Variants in PARD3B observed in about 807,000 individuals in gnomAD.
PARD3B encodes the protein par-3 family cell polarity regulator beta.
A neutral mutation model predicts 130.2 loss-of-function variants in PARD3B; 103 were observed. That is an observed-to-expected ratio of 0.79 (90% CI 0.67 to 0.93). The LOEUF (loss-of-function observed/expected upper bound fraction) is 0.93, where lower values mean the gene tolerates loss of function less well. Among genes scored for constraint, PARD3B ranks in the 40% least tolerant of loss-of-function variants. PARD3B has a pLI of 0.00. For synonymous variants in PARD3B, 583 were observed against 553.2 expected (o/e 1.05, Z -0.76); for missense variants, 1,609 against 1,499.2 (o/e 1.07, Z -1.21).
chr2:205,070,726 T>C (rs1559409552), intron 4 of PARD3B, among the ~76,000 whole-genome samples: 1 of 152,318 alleles, frequency 6.6e-6, no homozygotes, highest in Middle Eastern at 3.4e-3. Flanking sequence ...GACAAACTCA[T>C]CCATCCATTG....
chr2:205,587,400 A>G (rs907963339), intron 22 of PARD3B, among the ~76,000 whole-genome samples: 5 of 152,216 alleles, frequency 3.3e-5, no homozygotes, highest in African/African-American at 1.2e-4. Context: ...AGAATATATC[A>G]GATTTATATC....
chr2:205,509,600 C>T (rs2050514576), intron 21 of PARD3B, among the ~76,000 whole-genome samples: 1 of 152,116 alleles, frequency 6.6e-6, no homozygotes, highest in Non-Finnish European at 1.5e-5. Flanking sequence ...AAATCTGATC[C>T]ATAAAGGTTG....
chr2:205,503,672 A>G lies in PARD3B; in HGVS notation c.3180+3641A>G, dbSNP rs112644513. Among the ~76,000 whole-genome samples, 411 of 152,236 alleles carry G rather than the reference A, an allele frequency of 2.7e-3. 4 individuals are homozygous for G. In the East Asian group the frequency reaches 0.033, roughly 12 times the overall value. Reference sequence around the variant, plus strand: ...GCAATGCGGGCTCTTTTTTGGTTCCATATGAACTTTAAAGTAGTTTTTTTC... The same window carrying G: ...GCAATGCGGGCTCTTTTTTGGTTCCGTATGAACTTTAAAGTAGTTTTTTTC... On this transcript the variant is annotated intron_variant, in intron 21 of 22. Coordinates refer to ENST00000406610, the MANE Select transcript of PARD3B (RefSeq NM_001302769.2).
Position 205,172,241 on chromosome 2 carries a change from A to T in PARD3B, c.1651A>T (p.Ile551Phe). The change falls in exon 12 of 23, where the codon ATT becomes TTT. Residue 551 changes from isoleucine (I) to phenylalanine (F), a missense_variant. Physicochemically the swap from Ile to Phe is conservative, Grantham distance 21 (BLOSUM62 0). Coordinates refer to ENST00000406610, the MANE Select transcript of PARD3B (RefSeq NM_001302769.2). ...DGRLRMNDQL[I>F]AVNGESLLGK... ...TCGTCTGCGAATGAATGACCAGCTGATTGCAGTTAATGGGGAATCTCTTTT... is the reference window on the plus strand; with the variant it reads ...TCGTCTGCGAATGAATGACCAGCTGTTTGCAGTTAATGGGGAATCTCTTTT... 2.5e-6 allele frequency: 4 copies of T among 1,614,066 alleles called. No homozygotes were observed. The highest frequency in any genetic ancestry group is 3.4e-6 in the Non-Finnish European group (4 of 1,180,014).
chr2:205,445,717 A>T (rs2047883929), intron 20 of PARD3B, among the ~76,000 whole-genome samples: 1 of 152,226 alleles, frequency 6.6e-6, no homozygotes, highest in Non-Finnish European at 1.5e-5. Context: ...TAGTACCTGG[A>T]TAAGTAAAGA....
chr2:204,789,740 T>C (rs915867950), intron 2 of PARD3B, among the ~76,000 whole-genome samples: 1 of 152,218 alleles, frequency 6.6e-6, no homozygotes, highest in East Asian at 1.9e-4. Flanking sequence ...TTCTTGTCAA[T>C]ATTAGTTTTA....
At chr2:205,103,160 AC>A (rs1702914845) in intron 4 of PARD3B, among the ~76,000 whole-genome samples, 5 of 86,248 alleles carry the variant, frequency 5.8e-5, no homozygotes, top group Admixed American at 3.1e-4. Flanking sequence ...TGTAAAATAA[AC>A]ATATTTTATA....
At chr2:205,569,171 TC>T (rs982684991) in intron 22 of PARD3B, among the ~76,000 whole-genome samples, 1 of 137,818 alleles carries the variant, frequency 7.3e-6, no homozygotes, top group Non-Finnish European at 1.6e-5. Flanking sequence ...TTTATTAGAA[TC>T]CTTTTTTTTT....
intron 3 of PARD3B, among the ~76,000 whole-genome samples, chr2:205,047,026 C>G (rs1453109468): frequency 6.6e-6 from 1 of 152,156 alleles, no homozygotes; most frequent in Admixed American, 6.5e-5. Flanking sequence ...TTTTCTTTAT[C>G]AGTTCTATCT....
intron 15 of PARD3B, among the ~76,000 whole-genome samples, chr2:205,202,564 A>G (rs2037052972): frequency 6.6e-6 from 1 of 152,198 alleles, no homozygotes; most frequent in South Asian, 2.1e-4. Context: ...TCCCTGTCAT[A>G]CCCCTCCCAT....
intron 1 of PARD3B, among the ~76,000 whole-genome samples, chr2:204,599,895 C>T (rs888831977): frequency 6.6e-6 from 1 of 151,656 alleles, no homozygotes. Context: ...ACTGGGGTGA[C>T]ATGATATCTC....
At chr2:205,277,879 C>A (rs2041013776) in intron 16 of PARD3B, among the ~76,000 whole-genome samples, 1 of 151,976 alleles carries the variant, frequency 6.6e-6, no homozygotes, top group Non-Finnish European at 1.5e-5. Flanking sequence ...GAAACAGATG[C>A]CCAGAGGGAG....
At chr2:205,002,655 C>T (rs1173744166) in intron 3 of PARD3B, among the ~76,000 whole-genome samples, 1 of 152,108 alleles carries the variant, frequency 6.6e-6, no homozygotes, top group East Asian at 1.9e-4. Flanking sequence ...TCTGCCTCCA[C>T]CCTGCCTGCT....
intron 5 of PARD3B, among the ~76,000 whole-genome samples, chr2:205,106,444 C>T (rs1002138722): frequency 4.6e-5 from 7 of 151,880 alleles, no homozygotes; most frequent in South Asian, 2.1e-4. Context: ...CTACCACGCC[C>T]GGCCAAAAAC....
At chr2:204,821,361 T>G in intron 2 of PARD3B, among the ~76,000 whole-genome samples, 1 of 152,236 alleles carries the variant, frequency 6.6e-6, no homozygotes, top group Non-Finnish European at 1.5e-5. Context: ...CATGGAATAC[T>G]ATGCAGCCAT....
chr2:205,195,007 C>CGG (rs1439228117), intron 15 of PARD3B, among the ~76,000 whole-genome samples: 2 of 145,050 alleles, frequency 1.4e-5, no homozygotes, highest in Non-Finnish European at 3.0e-5. Flanking sequence ...CCATGTTGGC[C>CGG]GGGGTGTTCT....
At chr2:205,520,230 T>C (rs1412218918) in intron 21 of PARD3B, among the ~76,000 whole-genome samples, 19 of 152,080 alleles carry the variant, frequency 1.2e-4, no homozygotes, top group Non-Finnish European at 2.8e-4. Context: ...CAGCCCAGGA[T>C]GGGGAGGGTC....
intron 2 of PARD3B, among the ~76,000 whole-genome samples, chr2:204,735,656 A>G (rs2039713415): frequency 6.6e-6 from 1 of 152,148 alleles, no homozygotes; most frequent in African/African-American, 2.4e-5. Flanking sequence ...GTTGTAAAAG[A>G]CACTTTAGAG....
At chr2:205,332,127 G>C (rs77552677) in intron 18 of PARD3B, among the ~76,000 whole-genome samples, 4,637 of 152,080 alleles carry the variant, frequency 0.03, 202 homozygotes, top group African/African-American at 0.1. Context: ...AACAAGAAAA[G>C]CCTGTGTTGA....
Sources: allele counts gnomAD v4.1 joint callset (sites outside exome capture counted in the v4.1 genomes callset), GRCh38; gene constraint gnomAD v4.1.1; transcripts MANE v1.5; gene names NCBI Gene and HGNC (gene_info 2026-07-23, HGNC 2026-07-21).